NDUFAF6: variants seen among roughly 807,000 people sequenced by gnomAD.
NDUFAF6 encodes the protein NADH:ubiquinone oxidoreductase complex assembly factor 6.
In NDUFAF6, 45 loss-of-function variants were observed where a neutral mutation model predicts 40.8. The ratio of observed to expected loss-of-function variants is 1.10; its 90% CI spans 0.87 to 1.42. The LOEUF (loss-of-function observed/expected upper bound fraction) is 1.42, where lower values mean the gene tolerates loss of function less well. Ranked by LOEUF, NDUFAF6 falls within the 40% of genes most tolerant of loss-of-function variation. The pLI is 0.00. For missense variants in NDUFAF6, 435 were observed against 418.5 expected (o/e 1.04, Z -0.34); for synonymous variants, 185 against 155.9 (o/e 1.19, Z -1.39).
At chr8:95,099,815 C>T (rs995909729), upstream of NDUFAF6, among the ~76,000 whole-genome samples, 1 of 152,178 alleles carries the variant, frequency 6.6e-6, no homozygotes, top group African/African-American at 2.4e-5. Context: ...TCATTCCTAA[C>T]TACCCCACTA....
At chr8:95,052,979 GT>G (rs1418168506) in intron 8 of NDUFAF6, among the ~76,000 whole-genome samples, 2 of 152,070 alleles carry the variant, frequency 1.3e-5, no homozygotes, top group Non-Finnish European at 2.9e-5. Flanking sequence ...CAAAAATATG[GT>G]TACTTCATTT....
chr8:95,057,984 A>G lies in NDUFAF6; in HGVS notation c.*47A>G, dbSNP rs1290571044. On this transcript the variant is annotated 3_prime_UTR_variant, in exon 9 of 9. Coordinates refer to ENST00000396124, the MANE Select transcript of NDUFAF6 (RefSeq NM_152416.4). ...TTAATTCTAGTCTATTAGTTTTATA[A>G]AAGTTAGGATTCTTATTTAGGAACA... The G allele has an allele frequency of 6.5e-7, 1 of 1,528,160 alleles. No homozygotes were observed. Among genetic ancestry groups the G allele is most frequent in the Admixed American group, 1.8e-5 (1 of 55,224 alleles). The allele number at this position is 1,528,160 out of a possible 1,614,324, so 94.7% of individuals were successfully genotyped here. A position where few individuals can be genotyped will look rare whatever the true frequency, so the allele number is the denominator to read the frequency against.
chr8:95,016,649 G>A (rs906847913), intron 2 of NDUFAF6, among the ~76,000 whole-genome samples: 4 of 152,176 alleles, frequency 2.6e-5, no homozygotes, highest in Non-Finnish European at 5.9e-5. Context: ...GGCTGAGGCA[G>A]GAAAATCACT....
At chr8:95,013,712 T>A (rs1827320838) in intron 2 of NDUFAF6, among the ~76,000 whole-genome samples, 1 of 152,120 alleles carries the variant, frequency 6.6e-6, no homozygotes, top group Admixed American at 6.6e-5. Flanking sequence ...AAAACATAAG[T>A]ATATAATATG....
At chr8:95,017,399 C>G (rs1827508327) in intron 2 of NDUFAF6, among the ~76,000 whole-genome samples, 1 of 152,270 alleles carries the variant, frequency 6.6e-6, no homozygotes, top group East Asian at 1.9e-4. Flanking sequence ...CTTCATCTCT[C>G]CCTCCCTCTC....
upstream of NDUFAF6, among the ~76,000 whole-genome samples, chr8:95,021,893 G>A (rs1827705870): frequency 6.6e-6 from 1 of 152,168 alleles, no homozygotes; most frequent in South Asian, 2.1e-4. Flanking sequence ...TGCTACTGGT[G>A]TCCAAAGTAG....
At chr8:94,944,334 A>G (rs1466682946) in intron 1 of NDUFAF6, among the ~76,000 whole-genome samples, 1 of 152,212 alleles carries the variant, frequency 6.6e-6, no homozygotes, top group Non-Finnish European at 1.5e-5. Context: ...AAGGCCAAAA[A>G]ACATTGCTGG....
At chr8:95,049,554 T>A (rs1468984938) in intron 7 of NDUFAF6, among the ~76,000 whole-genome samples, 1 of 152,216 alleles carries the variant, frequency 6.6e-6, no homozygotes, top group African/African-American at 2.4e-5. Context: ...TTTTTCCTGG[T>A]ACTTCTTGTG....
intron 1 of NDUFAF6, among the ~76,000 whole-genome samples, chr8:94,905,988 T>C (rs1454255279): frequency 6.6e-6 from 1 of 152,222 alleles, no homozygotes; most frequent in East Asian, 1.9e-4. Flanking sequence ...GCCCTGTAGA[T>C]TTTTTAAAAA....
downstream of NDUFAF6, among the ~76,000 whole-genome samples, chr8:95,117,859 A>G (rs2583365): frequency 0.85 from 129,035 of 152,252 alleles, 55,268 homozygotes; most frequent in East Asian, 1. Flanking sequence ...CTGCATGGAT[A>G]TCAGCTGCTT....
chr8:95,053,150 A>G (rs73278508), intron 8 of NDUFAF6, among the ~76,000 whole-genome samples: 4,597 of 152,246 alleles, frequency 0.03, 235 homozygotes, highest in African/African-American at 0.1. Flanking sequence ...TCAGGTCTGT[A>G]TGTGAGAAGT....
At chr8:94,943,044 C>T (rs117541689) in intron 1 of NDUFAF6, among the ~76,000 whole-genome samples, 599 of 152,220 alleles carry the variant, frequency 3.9e-3, no homozygotes, top group Middle Eastern at 0.027. Context: ...TTAGGCATTT[C>T]GAATATGGTA....
intron 2 of NDUFAF6, among the ~76,000 whole-genome samples, chr8:94,982,258 T>C (rs1825510130): frequency 6.6e-6 from 1 of 152,136 alleles, no homozygotes; most frequent in Admixed American, 6.6e-5. Context: ...ACATCTTTTC[T>C]ATGCTTAGAT....
intron 1 of NDUFAF6, among the ~76,000 whole-genome samples, chr8:94,911,646 GGT>G (rs1337960973): frequency 6.6e-6 from 1 of 152,150 alleles, no homozygotes; most frequent in Non-Finnish European, 1.5e-5. Context: ...GCCCTCCAGG[GGT>G]TATTTACCTG....
At chr8:94,930,319 A>G in intron 1 of NDUFAF6, 1 of 968,616 alleles carries the variant, frequency 1.0e-6, no homozygotes, top group Non-Finnish European at 1.5e-6. Context: ...GATACACAGC[A>G]TATAAATCTG....
Position 94,985,533 on chromosome 8 carries a change from T to A in NDUFAF6, c.-84+4560T>A, listed in dbSNP as rs1422660632. Among the ~76,000 whole-genome samples, 59 of 65,118 alleles carry A rather than the reference T, an allele frequency of 9.1e-4. 1 individual carries two copies. The highest frequency in any genetic ancestry group is 1.5e-3 in the Non-Finnish European group (48 of 33,040). The allele number at this position is 65,118 out of a possible 152,430, so 42.7% of individuals were successfully genotyped here. A position where few individuals can be genotyped will look rare whatever the true frequency, so the allele number is the denominator to read the frequency against. On this transcript the variant is annotated intron_variant, in intron 2 of 9. Transcript: ENST00000396111. ...TATATATATTTTTTTTTTTTTTTTT[T>A]TTTTTTTTTTTTTTTTTTCTGAGAC...
chr8:94,896,959 C>T (rs1817657713), intron 1 of NDUFAF6, among the ~76,000 whole-genome samples: 2 of 152,202 alleles, frequency 1.3e-5, no homozygotes, highest in African/African-American at 4.8e-5. Context: ...AACTTTCTGC[C>T]ATTTCTAACG....
intron 3 of NDUFAF6, among the ~76,000 whole-genome samples, chr8:95,039,278 C>T (rs949886726): frequency 6.6e-6 from 1 of 151,826 alleles, no homozygotes; most frequent in African/African-American, 2.4e-5. Flanking sequence ...CATGGTGAAA[C>T]CCCGTCTCTA....
At chr8:95,114,934 T>G (rs1163442577) in intron 4 of NDUFAF6, among the ~76,000 whole-genome samples, 1 of 152,000 alleles carries the variant, frequency 6.6e-6, no homozygotes, top group Non-Finnish European at 1.5e-5. Flanking sequence ...TGGTGGCAGG[T>G]GTTTGTAATC....
Sources: gnomAD v4.1 joint callset for allele counts (sites outside exome capture counted in the v4.1 genomes callset) on GRCh38, gnomAD v4.1.1 for gene constraint, MANE v1.5 for transcripts, NCBI Gene and HGNC (gene_info 2026-07-23, HGNC 2026-07-21) for gene names.